Variants in EVL observed in about 807,000 individuals in gnomAD.
EVL encodes Enah/Vasp-like, also known as ena/VASP-like protein.
In EVL, 21 loss-of-function variants were observed where a neutral mutation model predicts 59.6. That is an observed-to-expected ratio of 0.35 (90% CI 0.25 to 0.51). The LOEUF (loss-of-function observed/expected upper bound fraction) is 0.51, where lower values mean the gene tolerates loss of function less well. Ranked by LOEUF, EVL falls within the 20% of genes least tolerant of loss-of-function variation. EVL has a pLI of 0.97. For synonymous variants in EVL, 198 were observed against 203.5 expected, an observed-to-expected ratio of 0.97 and a Z score of 0.23; for missense variants, 462 against 546.6, an observed-to-expected ratio of 0.85 and a Z score of 1.54.
At chr14:100,002,264 T>C (rs2060950557) in intron 1 of EVL, among the ~76,000 whole-genome samples, 1 of 152,134 alleles carries the variant, frequency 6.6e-6, no homozygotes, top group Admixed American at 6.6e-5. Context: ...ATCAGAAACC[T>C]GCATTCAAGA....
intron 1 of EVL, among the ~76,000 whole-genome samples, chr14:100,004,029 G>T (rs1234386613): frequency 6.6e-6 from 1 of 152,202 alleles, no homozygotes; most frequent in Non-Finnish European, 1.5e-5. Flanking sequence ...CATGGCGAAA[G>T]CCCGTCCTTA....
intron 1 of EVL, among the ~76,000 whole-genome samples, chr14:100,043,433 G>A (rs1466111767): frequency 6.7e-6 from 1 of 148,906 alleles, no homozygotes; most frequent in African/African-American, 2.5e-5. Context: ...CAAGTATTGT[G>A]GCTCAATCCA....
chr14:100,052,935 G>C (rs1566986691), intron 1 of EVL: 1 of 152,484 alleles, frequency 6.6e-6, no homozygotes, highest in Non-Finnish European at 1.5e-5. Context: ...TTCAGTTTCT[G>C]GCAAGGGCCC....
intron 1 of EVL, among the ~76,000 whole-genome samples, chr14:100,023,068 T>A (rs1380921911): frequency 4.6e-5 from 7 of 152,128 alleles, no homozygotes; most frequent in Admixed American, 4.6e-4. Flanking sequence ...GCTTGAGAGG[T>A]TGGGCCAGTG....
At chr14:100,125,104 A>C (rs1887955206) in intron 4 of EVL, among the ~76,000 whole-genome samples, 1 of 146,786 alleles carries the variant, frequency 6.8e-6, no homozygotes, top group Non-Finnish European at 1.5e-5. Context: ...AGACACACAC[A>C]CCTGCCCCAA....
chr14:100,046,244 A>G (rs1342749554), intron 1 of EVL, among the ~76,000 whole-genome samples: 2 of 152,200 alleles, frequency 1.3e-5, no homozygotes, highest in Non-Finnish European at 2.9e-5. Flanking sequence ...ATTTTGAAGT[A>G]TTTTGAATTT....
chr14:99,987,249 C>T (rs1457179678), intron 1 of EVL, among the ~76,000 whole-genome samples: 1 of 152,108 alleles, frequency 6.6e-6, no homozygotes, highest in Non-Finnish European at 1.5e-5. Context: ...TGTTGAAATA[C>T]TACCCCCCGC....
At chr14:100,077,550 G>T (rs184328307) in intron 1 of EVL, among the ~76,000 whole-genome samples, 3 of 152,176 alleles carry the variant, frequency 2.0e-5, no homozygotes, top group Non-Finnish European at 4.4e-5. Flanking sequence ...ATTGGTGCTC[G>T]TGTAAACCCT....
intron 1 of EVL, among the ~76,000 whole-genome samples, chr14:99,980,018 G>A (rs1353276830): frequency 3.3e-5 from 5 of 152,178 alleles, no homozygotes; most frequent in Non-Finnish European, 5.9e-5. Context: ...GGTGTTATAA[G>A]TAATCTAGAG....
At chr14:100,080,983 C>T (rs2062288555) in intron 1 of EVL, among the ~76,000 whole-genome samples, 1 of 152,118 alleles carries the variant, frequency 6.6e-6, no homozygotes, top group African/African-American at 2.4e-5. Context: ...TATCAAATTT[C>T]CTTATAGCTA....
chr14:100,143,680 C>G (rs1251448801), intron 13 of EVL, 21 bp from the exon 14 acceptor site: 2 of 1,610,888 alleles, frequency 1.2e-6, no homozygotes, highest in Non-Finnish European at 1.7e-6. Context: ...TGCACCTGAG[C>G]CGCCGCCACC....
At chr14:100,003,042 C>T (rs375242251) in intron 1 of EVL, among the ~76,000 whole-genome samples, 67 of 152,248 alleles carry the variant, frequency 4.4e-4, no homozygotes, top group African/African-American at 1.5e-3. Flanking sequence ...CATAGGAGCC[C>T]GTATGCTGGT....
At chr14:100,143,258 C>T (rs868499381) in intron 13 of EVL, among the ~76,000 whole-genome samples, 6 of 152,050 alleles carry the variant, frequency 3.9e-5, no homozygotes, top group South Asian at 2.1e-4. Flanking sequence ...TCCTGCTGAC[C>T]CCTGCAGGAG....
At chr14:100,102,264 T>G (rs1042675857) in intron 3 of EVL, 3 of 455,942 alleles carry the variant, frequency 6.6e-6, no homozygotes, top group African/African-American at 2.0e-5. Context: ...ACAGCCTCCT[T>G]GCACCTTTTG....
At chr14:99,976,070 C>G (rs940813850) in intron 1 of EVL, among the ~76,000 whole-genome samples, 2 of 151,778 alleles carry the variant, frequency 1.3e-5, no homozygotes, top group Non-Finnish European at 2.9e-5. Context: ...AGTCTCATTC[C>G]TTTGCTCAGG....
chr14:100,111,969 C>G (rs576502661), intron 3 of EVL, among the ~76,000 whole-genome samples: 6 of 152,306 alleles, frequency 3.9e-5, no homozygotes, highest in African/African-American at 1.4e-4. Context: ...CCGGCTTGGT[C>G]AGAGGTTGAT....
At chr14:100,026,039 C>G (rs1310726343) in intron 1 of EVL, among the ~76,000 whole-genome samples, 2 of 151,846 alleles carry the variant, frequency 1.3e-5, no homozygotes, top group Non-Finnish European at 1.5e-5. Flanking sequence ...TTGCTTGAGC[C>G]CAGGAGCCCC....
intron 1 of EVL, among the ~76,000 whole-genome samples, chr14:100,073,134 GA>G (rs1292907558): frequency 6.6e-6 from 1 of 151,864 alleles, no homozygotes; most frequent in African/African-American, 2.4e-5. Context: ...GCCCCAGGGT[GA>G]TGACTGAGGT....
At chr14:100,136,425 C>G (rs1166181239) in intron 9 of EVL, among the ~76,000 whole-genome samples, 2 of 152,226 alleles carry the variant, frequency 1.3e-5, no homozygotes, top group Non-Finnish European at 2.9e-5. Context: ...GCAGCCCCTT[C>G]CCTGGCTCAG....
Sources: allele counts gnomAD v4.1 joint callset (sites outside exome capture counted in the v4.1 genomes callset), GRCh38; gene constraint gnomAD v4.1.1; transcripts MANE v1.5; gene names NCBI Gene and HGNC (gene_info 2026-07-23, HGNC 2026-07-21).